VPS13D: variants seen among roughly 807,000 people sequenced by gnomAD.
The protein encoded by VPS13D is vacuolar protein sorting 13 homolog D, also known as intermembrane lipid transfer protein VPS13D.
VPS13D carries 187 observed loss-of-function variants against 461.9 expected under a neutral mutation model. The ratio of observed to expected loss-of-function variants is 0.40; its 90% CI spans 0.36 to 0.46. The LOEUF (loss-of-function observed/expected upper bound fraction) is 0.46. VPS13D is among the 20% of genes least tolerant of loss of function. The probability of loss-of-function intolerance (pLI) is 0.60; values close to 1 mark genes in which losing one functional copy is unlikely to be tolerated. For synonymous variants in VPS13D, 1,951 were observed against 1,986.3 expected, an observed-to-expected ratio of 0.98 and a Z score of 0.47; for missense variants, 4,711 against 5,364.9, an observed-to-expected ratio of 0.88 and a Z score of 3.81.
intron 2 of VPS13D, among the ~76,000 whole-genome samples, chr1:12,235,490 G>A (rs1397619008): frequency 3.9e-5 from 6 of 152,242 alleles, no homozygotes; most frequent in Middle Eastern, 3.4e-3. Context: ...CAGGAGAATC[G>A]CTTGAAACCA....
At position 12,505,786 on chromosome 1, in the gene VPS13D, GA is replaced by G. The variant is rs1295402637; in HGVS notation, c.12795-1066del. On this transcript the variant is annotated intron_variant, in intron 68 of 69. Coordinates refer to ENST00000620676, the MANE Select transcript of VPS13D (RefSeq NM_015378.4). The surrounding 1 kb of genome is among the most constrained non-coding windows in gnomAD (Gnocchi z 4.2). ...AACCTGTGATCCTTGCGGGGAGGGGGATGGGATCTAGAGAAGTTGGGAGAGC... is the reference window on the plus strand; with the variant it reads ...AACCTGTGATCCTTGCGGGGAGGGGGTGGGATCTAGAGAAGTTGGGAGAGC... Among the ~76,000 whole-genome samples the G allele has an allele frequency of 6.6e-6, 1 of 152,212 alleles. No individual in the cohort carries two copies. The highest frequency in any genetic ancestry group is 2.4e-5 in the African/African-American group (1 of 41,454).
At chr1:12,368,711 A>G in intron 53 of VPS13D, 120 bp downstream of exon 53, 1 of 1,218,770 alleles carries the variant, frequency 8.2e-7, no homozygotes, top group African/African-American at 1.5e-5. Context: ...AACTATATGG[A>G]TAGGTTCTTT....
Position 12,299,481 on chromosome 1 carries a change from T to C in VPS13D, c.6216+97T>C, listed in dbSNP as rs1642362189. On this transcript the variant is annotated intron_variant, in intron 25 of 69. Transcript: ENST00000620676. The surrounding 1 kb of genome is among the most constrained non-coding windows in gnomAD (Gnocchi z 4.2). ...GCTGTAAGATGATCCATAATTGCTATTACTTTTGTAGGGTATGTGGCTTGA... is the reference window on the plus strand; with the variant it reads ...GCTGTAAGATGATCCATAATTGCTACTACTTTTGTAGGGTATGTGGCTTGA... The C allele has an allele frequency of 7.1e-7, 1 of 1,399,770 alleles. No homozygotes were observed. The highest frequency in any genetic ancestry group is 1.4e-5 in the African/African-American group (1 of 69,002). The allele number at this position is 1,399,770 out of a possible 1,614,324, so 86.7% of individuals were successfully genotyped here.
intron 67 of VPS13D, among the ~76,000 whole-genome samples, chr1:12,482,048 G>A (rs573620296): frequency 5.7e-4 from 87 of 152,320 alleles, no homozygotes; most frequent in South Asian, 1.5e-3. Context: ...AGAGAAGCCC[G>A]CCTTCCTGCT....
intron 37 of VPS13D, among the ~76,000 whole-genome samples, chr1:12,330,476 C>T (rs1166539090): frequency 6.6e-6 from 1 of 152,140 alleles, no homozygotes; most frequent in Non-Finnish European, 1.5e-5. Flanking sequence ...CAGTTTGGCT[C>T]ATTCTAGAAT....
At chr1:12,365,867 C>A (rs910197161) in intron 52 of VPS13D, among the ~76,000 whole-genome samples, 1 of 152,066 alleles carries the variant, frequency 6.6e-6, no homozygotes, top group African/African-American at 2.4e-5. Context: ...GATAATTTAA[C>A]AATAGATATT....
At position 12,466,897 on chromosome 1, in the gene VPS13D, C is replaced by T. The variant is rs569974856; in HGVS notation, c.12662+6501C>T. 1.1e-4 allele frequency among the ~76,000 whole-genome samples: 17 copies of T among 152,332 alleles called. No homozygotes were observed. In the South Asian group the frequency reaches 3.3e-3, roughly 30 times the overall value. On this transcript the variant is annotated intron_variant, in intron 67 of 69. Coordinates refer to ENST00000620676, the MANE Select transcript of VPS13D (RefSeq NM_015378.4). ...AAGGGAAGGGACTGTCAAATATCTC[C>T]TCTGTTGTCCAAACATGGCACAGTA...
At chr1:12,485,666 G>A (rs960050837) in intron 67 of VPS13D, among the ~76,000 whole-genome samples, 2 of 152,126 alleles carry the variant, frequency 1.3e-5, no homozygotes, top group Admixed American at 6.6e-5. Context: ...AAGGTTGTTG[G>A]GGGGGTGGGC....
At chr1:12,398,600 A>G (rs1399353210) in intron 60 of VPS13D, among the ~76,000 whole-genome samples, 1 of 152,198 alleles carries the variant, frequency 6.6e-6, no homozygotes, top group Non-Finnish European at 1.5e-5. Flanking sequence ...GAGACAGAAC[A>G]GGAAGATGGC....
rs1646043930 is a variant in VPS13D, at chr1:12,502,165, G to A, written c.12794+4534G>A. Among the ~76,000 whole-genome samples, 1 of 152,188 alleles carries A rather than the reference G, an allele frequency of 6.6e-6. No individual in the cohort carries two copies. The highest frequency in any genetic ancestry group is 6.5e-5 in the Admixed American group (1 of 15,270). On this transcript the variant is annotated intron_variant, in intron 68 of 69. Transcript: ENST00000620676. This position sits in a 1 kb window ranked among gnomAD's most constrained non-coding sequence, Gnocchi z 4.3. ...CGTCATGAAAAATAAAACCTTGACA[G>A]CAGCAGGTAGAGAGACTGAAGGCAG... is the stretch of plus-strand genomic sequence containing the variant.
rs972536699 is a variant in VPS13D at position 12,279,804 on chromosome 1, A to G, written c.4602+154A>G. 6.6e-6 allele frequency among the ~76,000 whole-genome samples: 1 copy of G among 151,872 alleles called. No homozygotes were observed. Among genetic ancestry groups the G allele is most frequent in the Non-Finnish European group, 1.5e-5 (1 of 67,930 alleles). On this transcript the variant is annotated intron_variant, in intron 20 of 69. Coordinates refer to ENST00000620676, the MANE Select transcript of VPS13D (RefSeq NM_015378.4). This position sits in a 1 kb window ranked among gnomAD's most constrained non-coding sequence, Gnocchi z 4.3. ...CCATTGTTGAAACCTTGTTCCAATAATTGTGGAATCCTTTTGTCATGGGGA... is the reference window on the plus strand; with the variant it reads ...CCATTGTTGAAACCTTGTTCCAATAGTTGTGGAATCCTTTTGTCATGGGGA...
At position 12,298,499 on chromosome 1, in the gene VPS13D, G is replaced by T. The variant is rs189314580; in HGVS notation, c.6034-703G>T. On this transcript the variant is annotated intron_variant, in intron 24 of 69. Transcript: ENST00000620676. ...TCCTAAAAATACAAAAAATAGCTGG[G>T]CGTTGTGGCACGTGCCCGTAATCCC... Among the ~76,000 whole-genome samples, 4 of 152,106 alleles carry T rather than the reference G, an allele frequency of 2.6e-5. 1 individual carries two copies. The highest frequency in any genetic ancestry group is 9.7e-5 in the African/African-American group (4 of 41,404).
intron 65 of VPS13D, among the ~76,000 whole-genome samples, chr1:12,455,297 C>T (rs1049158339): frequency 1.3e-5 from 2 of 152,182 alleles, no homozygotes; most frequent in African/African-American, 2.4e-5. Context: ...ATATTTGATA[C>T]CAAACCCTAA....
intron 65 of VPS13D, among the ~76,000 whole-genome samples, chr1:12,453,660 T>C (rs1306005477): frequency 6.6e-6 from 1 of 152,174 alleles, no homozygotes; most frequent in East Asian, 1.9e-4. Flanking sequence ...TTCTGTGTAG[T>C]TTGTGTCCTG....
Position 12,379,469 on chromosome 1 carries a change from T to C in VPS13D, c.11082-19T>C, listed in dbSNP as rs1459830418. The C allele has an allele frequency of 1.2e-6, 2 of 1,608,294 alleles. No homozygotes were observed. The highest frequency in any genetic ancestry group is 1.7e-6 in the Non-Finnish European group (2 of 1,176,668). On this transcript the variant is annotated intron_variant, in intron 56 of 69. Transcript: ENST00000620676. ...TTGACTCGGAGGTTTCATGGTTCAT[T>C]GTGTATTCCGTTTTCCAGATACGAG...
In VPS13D at chr1:12,276,378, C is replaced by T. The variant is rs777696111; in HGVS notation, c.2790C>T (p.Ser930=). 4.7e-5 allele frequency: 76 copies of T among 1,614,000 alleles called. No homozygotes were observed. The highest frequency in any genetic ancestry group is 6.3e-5 in the Non-Finnish European group (74 of 1,180,030). The change falls in exon 19 of 70, where the codon TCC becomes TCT. Residue 930 remains serine (S), a synonymous_variant. Transcript: ENST00000620676. This position sits in a 1 kb window ranked among gnomAD's most constrained non-coding sequence, Gnocchi z 4.5. ...AGCAGCGGGGAAGTTTGCAAGACTCCGTAATGAATTTAACCCAGAGCATTG... is the reference window on the plus strand; with the variant it reads ...AGCAGCGGGGAAGTTTGCAAGACTCTGTAATGAATTTAACCCAGAGCATTG... The part of the protein sequence containing the change: ...QEEQRGSLQD[S]VMNLTQSIVL...
chr1:12,286,857 A>G (rs568676752), intron 21 of VPS13D, among the ~76,000 whole-genome samples: 39 of 152,154 alleles, frequency 2.6e-4, no homozygotes, highest in African/African-American at 8.9e-4. Flanking sequence ...AGAGGTTTTC[A>G]TTATTTTTAT....
At chr1:12,482,562 C>T (rs1645733449) in intron 67 of VPS13D, among the ~76,000 whole-genome samples, 1 of 152,052 alleles carries the variant, frequency 6.6e-6, no homozygotes, top group South Asian at 2.1e-4. Context: ...GACACTGCTC[C>T]AGAGGCCTTG....
chr1:12,348,035 A>G (rs765937958), intron 44 of VPS13D, among the ~76,000 whole-genome samples: 3 of 152,248 alleles, frequency 2.0e-5, no homozygotes, highest in African/African-American at 4.8e-5. Flanking sequence ...GTTCTTTAAA[A>G]TACAGACATT....
Sources: gnomAD v4.1 joint callset for allele counts (sites outside exome capture counted in the v4.1 genomes callset) on GRCh38, gnomAD v4.1.1 for gene constraint, Gnocchi (gnomAD v3.1) non-coding constraint, MANE v1.5 for transcripts, NCBI Gene and HGNC (gene_info 2026-07-23, HGNC 2026-07-21) for gene names.